GRIK2: variants seen among roughly 807,000 people sequenced by gnomAD.
GRIK2 encodes the protein glutamate receptor ionotropic, kainate 2.
GRIK2 carries 32 observed loss-of-function variants against 100.3 expected under a neutral mutation model. That is an observed-to-expected ratio of 0.32 (90% confidence interval 0.24 to 0.43). The LOEUF (loss-of-function observed/expected upper bound fraction) is 0.43, where lower values mean the gene tolerates loss of function less well. Among genes scored for constraint, GRIK2 ranks in the 20% least tolerant of loss-of-function variants. GRIK2 has a pLI of 1.00. For synonymous variants in GRIK2, 417 were observed against 389.4 expected (o/e 1.07, Z -0.83); for missense variants, 843 against 1,114.9 (o/e 0.76, Z 3.47).
At chr6:101,440,485 G>T (rs920558745) in intron 2 of GRIK2, among the ~76,000 whole-genome samples, 1 of 152,038 alleles carries the variant, frequency 6.6e-6, no homozygotes, top group African/African-American at 2.4e-5. Context: ...CAGTTGATCT[G>T]GTTAATCAAC....
At chr6:101,910,735 A>G (rs1788618110) in intron 12 of GRIK2, among the ~76,000 whole-genome samples, 1 of 151,182 alleles carries the variant, frequency 6.6e-6, no homozygotes, top group Non-Finnish European at 1.5e-5. Context: ...TGAAATTGAA[A>G]CAAAGAAGAT....
rs757397954 is a variant in GRIK2, at chr6:101,983,458, A to C, written c.2086-51883A>C. Among the ~76,000 whole-genome samples, 3 of 151,910 alleles carry C rather than the reference A, an allele frequency of 2.0e-5. No individual in the cohort carries two copies. In the South Asian group the frequency reaches 6.2e-4, roughly 32 times the overall value. On this transcript the variant is annotated intron_variant, in intron 14 of 16. Transcript: ENST00000369134. The stretch of plus-strand genomic sequence containing the variant: ...ATTGGTGAATGTCATCAACTTTTAG[A>C]TCATCCACCAAAAATCCTTAGTGTA...
chr6:101,863,169 A>G (rs555172397), intron 11 of GRIK2, among the ~76,000 whole-genome samples: 1 of 152,140 alleles, frequency 6.6e-6, no homozygotes, highest in Non-Finnish European at 1.5e-5. Context: ...TCCTGCCTTT[A>G]ATATCATCTC....
At chr6:101,893,091 A>G (rs1327493153) in intron 12 of GRIK2, among the ~76,000 whole-genome samples, 3 of 151,222 alleles carry the variant, frequency 2.0e-5, no homozygotes, top group Admixed American at 6.6e-5. Flanking sequence ...TGGAATCACT[A>G]TCTGTTAGAA....
intron 7 of GRIK2, among the ~76,000 whole-genome samples, chr6:101,788,705 T>A (rs1482229602): frequency 6.6e-6 from 1 of 152,342 alleles, no homozygotes; most frequent in Non-Finnish European, 1.5e-5. Context: ...GCATGATTTA[T>A]AGTCCTTTGG....
At chr6:101,943,985 C>T (rs1312210816) in intron 14 of GRIK2, among the ~76,000 whole-genome samples, 1 of 152,022 alleles carries the variant, frequency 6.6e-6, no homozygotes, top group African/African-American at 2.4e-5. Context: ...GTTGTAATTC[C>T]CATGTTTTGA....
intron 2 of GRIK2, among the ~76,000 whole-genome samples, chr6:101,606,836 T>C (rs1231699995): frequency 1.3e-5 from 2 of 151,964 alleles, no homozygotes; most frequent in African/African-American, 4.8e-5. Flanking sequence ...AAAAATGGCT[T>C]TGTTTAAGTT....
At chr6:101,899,273 G>A (rs1787688229) in intron 12 of GRIK2, among the ~76,000 whole-genome samples, 1 of 151,566 alleles carries the variant, frequency 6.6e-6, no homozygotes, top group Non-Finnish European at 1.5e-5. Flanking sequence ...AGTTTTTCTA[G>A]TTAGCTCTTG....
At chr6:102,065,308 T>G (rs1771962681) in intron 16 of GRIK2, among the ~76,000 whole-genome samples, 1 of 151,226 alleles carries the variant, frequency 6.6e-6, no homozygotes, top group South Asian at 2.1e-4. Flanking sequence ...AGAATGGGCT[T>G]TTTTCAATTT....
At chr6:101,575,774 C>T (rs1351329121) in intron 2 of GRIK2, among the ~76,000 whole-genome samples, 1 of 152,026 alleles carries the variant, frequency 6.6e-6, no homozygotes, top group Non-Finnish European at 1.5e-5. Flanking sequence ...GCTGGTCTAA[C>T]TTTGCATTAA....
At chr6:101,807,673 G>T (rs1178212798) in intron 9 of GRIK2, among the ~76,000 whole-genome samples, 1 of 151,856 alleles carries the variant, frequency 6.6e-6, no homozygotes, top group African/African-American at 2.4e-5. Flanking sequence ...TGGGTTTTGG[G>T]GGGCACATTT....
At chr6:101,808,693 C>T (rs991349044) in intron 9 of GRIK2, among the ~76,000 whole-genome samples, 4 of 151,868 alleles carry the variant, frequency 2.6e-5, no homozygotes, top group African/African-American at 7.2e-5. Flanking sequence ...TCCCTATCTC[C>T]TCAGCAGATA....
intron 2 of GRIK2, among the ~76,000 whole-genome samples, chr6:101,565,440 T>A (rs919238214): frequency 7.2e-5 from 11 of 152,154 alleles, no homozygotes; most frequent in African/African-American, 2.7e-4. Flanking sequence ...ATGAATATAA[T>A]TCTAAAGATA....
intron 11 of GRIK2, among the ~76,000 whole-genome samples, chr6:101,860,185 TCTTAA>T (rs1784656473): frequency 6.6e-6 from 1 of 152,128 alleles, no homozygotes; most frequent in African/African-American, 2.4e-5. Flanking sequence ...CAGATAGACA[TCTTAA>T]CTTTTAAAAA....
In GRIK2 at chr6:101,626,393, G is replaced by A. The variant is rs1780441602; in HGVS notation, c.297G>A (p.Leu99=). The A allele has an allele frequency of 6.2e-7, 1 of 1,612,180 alleles. No individual in the cohort carries two copies. Among genetic ancestry groups the A allele is most frequent in the Non-Finnish European group, 8.5e-7 (1 of 1,179,460 alleles). ...TCTCCTCTTCAGCCTGTGATCAGCT[G>A]TCTCTTGGGGTGGCTGCCATCTTCG... is the stretch of plus-strand genomic sequence containing the variant. ...FEASKKACDQ[L]SLGVAAIFGP... Residue 99 remains leucine, a synonymous_variant, in exon 4 of 17, where the codon CTG becomes CTA. Coordinates refer to ENST00000369134, the MANE Select transcript of GRIK2 (RefSeq NM_021956.5).
At position 101,545,304 on chromosome 6, in the gene GRIK2, T is replaced by G. The variant is rs142917174; in HGVS notation, c.116-76645T>G. Among the ~76,000 whole-genome samples the G allele has an allele frequency of 2.6e-4, 39 of 152,280 alleles. 1 individual carries two copies. The East Asian group carries it at 7.3e-3, about 29-fold the overall frequency. On this transcript the variant is annotated intron_variant, in intron 2 of 16. Transcript: ENST00000369134. ...GCTGTAGTGCACCATCTTGTTAATG[T>G]TTTCTCTCACAAAACAAAGCCAGTG...
chr6:101,892,743 T>C (rs1219533069), intron 12 of GRIK2, among the ~76,000 whole-genome samples: 1 of 151,842 alleles, frequency 6.6e-6, no homozygotes, highest in African/African-American at 2.4e-5. Context: ...TTAAGCAATA[T>C]ATAATATTAG....
chr6:101,866,751 T>G (rs1785072974), intron 11 of GRIK2, among the ~76,000 whole-genome samples: 1 of 152,060 alleles, frequency 6.6e-6, no homozygotes, highest in Non-Finnish European at 1.5e-5. Flanking sequence ...CCATTCTTTT[T>G]CTCCATATTT....
intron 2 of GRIK2, among the ~76,000 whole-genome samples, chr6:101,506,628 G>A (rs1004434273): frequency 6.6e-5 from 10 of 152,016 alleles, no homozygotes; most frequent in Admixed American, 6.6e-5. Flanking sequence ...TCTTAACTGC[G>A]TAGACTAATG....
Sources: allele counts gnomAD v4.1 joint callset (sites outside exome capture counted in the v4.1 genomes callset), GRCh38; gene constraint gnomAD v4.1.1; transcripts MANE v1.5; gene names NCBI Gene and HGNC (gene_info 2026-07-23, HGNC 2026-07-21).